Variants in SLC7A5 observed in about 807,000 individuals in gnomAD.
The protein encoded by SLC7A5 is solute carrier family 7 member 5.
A neutral mutation model predicts 50.2 loss-of-function variants in SLC7A5; 23 were observed. The observed-to-expected ratio is 0.46, with a 90% CI of 0.33 to 0.65. SLC7A5 has a LOEUF of 0.65. Among genes scored for constraint, SLC7A5 ranks in the 30% least tolerant of loss-of-function variants. SLC7A5 has a pLI of 0.02. For synonymous variants in SLC7A5, 393 were observed against 330.6 expected (o/e 1.19, Z -2.05); for missense variants, 578 against 684.4 (o/e 0.84, Z 1.73).
chr16:87,844,407 C>G (rs1449098513), intron 2 of SLC7A5, among the ~76,000 whole-genome samples: 3 of 152,160 alleles, frequency 2.0e-5, no homozygotes, highest in Non-Finnish European at 4.4e-5. Context: ...GGCCTTGATC[C>G]CTGAGTCAGG....
In SLC7A5 at chr16:87,830,532, A is replaced by T. The variant is rs572487053; in HGVS notation, c.*2438T>A. The T allele has an allele frequency of 6.6e-6, 1 of 152,510 alleles. No homozygotes were observed. Among genetic ancestry groups the T allele is most frequent in the African/African-American group, 2.4e-5 (1 of 41,554 alleles). 9.4% of individuals were successfully genotyped at this position (152,510 alleles called of 1,614,324 possible). A position where few individuals can be genotyped will look rare whatever the true frequency, so the allele number is the denominator to read the frequency against. ...CCCTGTGGAATTCCAGCACAGCAGGAGGGGGAGGGGGAAGCAGGCCTCAGT... is the reference window on the plus strand; with the variant it reads ...CCCTGTGGAATTCCAGCACAGCAGGTGGGGGAGGGGGAAGCAGGCCTCAGT... On this transcript the variant is annotated 3_prime_UTR_variant, in exon 10 of 10. Transcript: ENST00000261622.
chr16:87,851,253 C>G (rs1177222420), intron 2 of SLC7A5, among the ~76,000 whole-genome samples: 1 of 152,096 alleles, frequency 6.6e-6, no homozygotes. Context: ...CCACACCTGC[C>G]CATGGAATGA....
chr16:87,843,347 C>CTTTTTTTTTTTTTTTTTTTTTTT (rs60307560), intron 2 of SLC7A5, among the ~76,000 whole-genome samples: 1 of 63,258 alleles, frequency 1.6e-5, no homozygotes, highest in African/African-American at 6.5e-5. Flanking sequence ...GCCTGAGTAA[C>CTTTTTTTTTTTTTTTTTTTTTTT]TTTTTTTTTT....
intron 1 of SLC7A5, among the ~76,000 whole-genome samples, chr16:87,858,561 C>T (rs559612881): frequency 2.4e-4 from 37 of 152,228 alleles, no homozygotes; most frequent in South Asian, 8.3e-4. Context: ...ATTTTATAGC[C>T]GGGGTAAACG....
rs2055242160 is a variant in SLC7A5, at chr16:87,852,434, G to A, written c.539-585C>T. 6.6e-6 allele frequency among the ~76,000 whole-genome samples: 1 copy of A among 152,188 alleles called. No homozygotes were observed. The highest frequency in any genetic ancestry group is 3.2e-3 in the Middle Eastern group (1 of 316). Reference sequence around the variant, plus strand: ...GCCACAGGGGCCTGTGGTGAGCAGAGCAGACCCTGCTGCCCTGCTGCTTTG... The same window carrying A: ...GCCACAGGGGCCTGTGGTGAGCAGAACAGACCCTGCTGCCCTGCTGCTTTG... On this transcript the variant is annotated intron_variant, in intron 1 of 9. Transcript: ENST00000261622. This position sits in a 1 kb window ranked among gnomAD's most constrained non-coding sequence, Gnocchi z 4.5.
chr16:87,839,853 C>G (rs765173015), intron 4 of SLC7A5, 28 bp from the exon 5 acceptor site: 1 of 1,612,966 alleles, frequency 6.2e-7, no homozygotes, highest in South Asian at 1.1e-5. Flanking sequence ...GACATGTCAC[C>G]CAACGCAGCC....
rs1567501217 is a variant in SLC7A5, at chr16:87,860,339, A to AAT, written c.539-8492_539-8491dup. On this transcript the variant is annotated intron_variant, in intron 1 of 9. Coordinates refer to ENST00000261622, the MANE Select transcript of SLC7A5 (RefSeq NM_003486.7). This position sits in a 1 kb window ranked among gnomAD's most constrained non-coding sequence, Gnocchi z 4.8. ...CAAAAGCATCTCAAAAAAAAAAAAA[A>AAT]ATACACACACACACACACACACACA... 9.6e-4 allele frequency among the ~76,000 whole-genome samples: 104 copies of AAT among 108,182 alleles called. No individual in the cohort carries two copies. Among genetic ancestry groups the AAT allele is most frequent in the African/African-American group, 3.7e-3 (95 of 25,670 alleles). 71.0% of individuals were successfully genotyped at this position (108,182 alleles called of 152,430 possible). A position where few individuals can be genotyped will look rare whatever the true frequency, so the allele number is the denominator to read the frequency against.
Position 87,833,195 on chromosome 16 carries a change from G to A in SLC7A5, c.1469-170C>T, listed in dbSNP as rs532501994. On this transcript the variant is annotated intron_variant, in intron 9 of 9. Coordinates refer to ENST00000261622, the MANE Select transcript of SLC7A5 (RefSeq NM_003486.7). The surrounding 1 kb of genome is among the most constrained non-coding windows in gnomAD (Gnocchi z 6.0). ...TTGTGTACTTGCGCATGTGGGTGCC[G>A]GGTGCCCGAGGCGCTGTCTTCAACT... 2.0e-4 allele frequency among the ~76,000 whole-genome samples: 30 copies of A among 152,338 alleles called. No homozygotes were observed. The highest frequency in any genetic ancestry group is 6.3e-4 in the African/African-American group (26 of 41,574).
intron 8 of SLC7A5, among the ~76,000 whole-genome samples, chr16:87,835,721 G>A (rs921634991): frequency 1.4e-4 from 21 of 152,240 alleles, no homozygotes; most frequent in East Asian, 3.9e-4. Context: ...TGATCTGCCC[G>A]CCTCGGCCTC....
chr16:87,845,432 G>A (rs1275480905), intron 2 of SLC7A5, among the ~76,000 whole-genome samples: 2 of 150,042 alleles, frequency 1.3e-5, no homozygotes, highest in East Asian at 2.0e-4. Context: ...CAGAGTCCAC[G>A]CCCACCCCAG....
chr16:87,852,177 A>G lies in SLC7A5; in HGVS notation c.539-328T>C, dbSNP rs151165088. On this transcript the variant is annotated intron_variant, in intron 1 of 9. Transcript: ENST00000261622. The surrounding 1 kb of genome is among the most constrained non-coding windows in gnomAD (Gnocchi z 4.5). ...CTTCAAGTGGGGTCACTGCCTCCAG[A>G]GACCCAGGTGAGCAAGGTGACCCTG... is the stretch of plus-strand genomic sequence containing the variant. Among the ~76,000 whole-genome samples, 3 of 152,236 alleles carry G rather than the reference A, an allele frequency of 2.0e-5. No homozygotes were observed. The highest frequency in any genetic ancestry group is 4.4e-5 in the Non-Finnish European group (3 of 67,984).
chr16:87,868,801 T>A (rs977246293), intron 1 of SLC7A5, 84 bp downstream of exon 1: 32 of 1,359,382 alleles, frequency 2.4e-5, no homozygotes, highest in Non-Finnish European at 3.0e-5. Flanking sequence ...TGTAGAGATG[T>A]GGGAGCCAGG....
At chr16:87,846,331 G>A (rs1024883671) in intron 2 of SLC7A5, among the ~76,000 whole-genome samples, 18 of 152,250 alleles carry the variant, frequency 1.2e-4, no homozygotes, top group Non-Finnish European at 2.5e-4. Flanking sequence ...GCTCGAGGCC[G>A]AGCTGTGGCC....
intron 1 of SLC7A5, among the ~76,000 whole-genome samples, chr16:87,863,986 A>AAAAAAAAAAAAAT (rs376938738): frequency 2.4e-5 from 2 of 83,280 alleles, no homozygotes; most frequent in African/African-American, 7.8e-5. Context: ...ATCATTTAAA[A>AAAAAAAAAAAAAT]ATATATATAT....
Position 87,869,174 on chromosome 16 carries a change from C to A in SLC7A5, c.249G>T (p.Gly83=), listed in dbSNP as rs562691205. The A allele has an allele frequency of 1.2e-6, 2 of 1,612,272 alleles. No individual in the cohort carries two copies. Among genetic ancestry groups the A allele is most frequent in the South Asian group, 2.2e-5 (2 of 91,032 alleles). Residue 83 remains glycine (G), a synonymous_variant, in exon 1 of 10, where the codon GGG becomes GGT. Transcript: ENST00000261622. ...ACGCGGCCCACACCACCAGCGCCAG[C>A]CCCGGCGAGCCTGCCTCCTTGAGCA... is the stretch of plus-strand genomic sequence containing the variant. ...TGVLKEAGSP[G]LALVVWAACG... is the part of the protein sequence containing the mutation.
At position 87,869,301 on chromosome 16, in the gene SLC7A5, C is replaced by T. The variant is rs148183733; in HGVS notation, c.122G>A (p.Gly41Asp). The T allele has an allele frequency of 1.9e-3, 2,995 of 1,611,410 alleles. 16 individuals carry two copies. Among genetic ancestry groups the T allele is most frequent in the South Asian group, 2.9e-3 (266 of 91,008 alleles). ...SADGSAPAGE[G>D]EGVTLQRNIT... is the part of the protein sequence containing the mutation. ...GTTCCGCTGCAGGGTCACGCCCTCG[C>T]CCTCGCCTGCCGGCGCCGAGCCGTC... Residue 41 changes from glycine to aspartate, a missense_variant, in exon 1 of 10, where the codon GGC becomes GAC. This residue lies in a region of SLC7A5 where 113 missense variants were observed against 89.8 expected (regional missense o/e 1.26). Transcript: ENST00000261622.
Position 87,835,696 on chromosome 16 carries a change from T to A in SLC7A5, c.1290+802A>T, listed in dbSNP as rs13336522. ...TCACCGTGTTAGCCAGGATGGTCTC[T>A]ATCTCCTGACTTTGTGATCTGCCCG... is the stretch of plus-strand genomic sequence containing the variant. On this transcript the variant is annotated intron_variant, in intron 8 of 9. Transcript: ENST00000261622. Among the ~76,000 whole-genome samples the A allele has an allele frequency of 2.0e-3, 310 of 152,120 alleles. 1 individual carries two copies. In the Middle Eastern group the frequency reaches 0.02, roughly 10 times the overall value.
chr16:87,837,975 C>T lies in SLC7A5; in HGVS notation c.1044-34G>A, dbSNP rs371799359. The T allele has an allele frequency of 2.3e-4, 343 of 1,499,462 alleles. 1 individual carries two copies. In the Middle Eastern group the frequency reaches 2.6e-3, roughly 11 times the overall value. The allele number at this position is 1,499,462 out of a possible 1,614,324, so 92.9% of individuals were successfully genotyped here. On this transcript the variant is annotated intron_variant, in intron 6 of 9. Coordinates refer to ENST00000261622, the MANE Select transcript of SLC7A5 (RefSeq NM_003486.7). ...AGACAAGAGTGGCAGAGTCAGCCAC[C>T]GCCCCACAACTCAGCACGTGGACAG... is the stretch of plus-strand genomic sequence containing the variant.
chr16:87,830,295 T>C lies in SLC7A5; in HGVS notation c.*2675A>G, dbSNP rs905964377. ...CATGACCACTGGAAATAAATAAACA[T>C]GGTGCCGACAGCATCTTTAAATTAG... On this transcript the variant is annotated 3_prime_UTR_variant, in exon 10 of 10. Coordinates refer to ENST00000261622, the MANE Select transcript of SLC7A5 (RefSeq NM_003486.7). The C allele has an allele frequency of 1.3e-5, 2 of 152,186 alleles. No individual in the cohort carries two copies. The highest frequency in any genetic ancestry group is 2.4e-5 in the African/African-American group (1 of 41,424). The allele number at this position is 152,186 out of a possible 1,614,324, so 9.4% of individuals were successfully genotyped here.
Sources: gnomAD v4.1 joint callset for allele counts (sites outside exome capture counted in the v4.1 genomes callset) on GRCh38, gnomAD v4.1.1 for gene constraint, gnomAD v4.1.1 regional missense constraint, Gnocchi (gnomAD v3.1) non-coding constraint, MANE v1.5 for transcripts, NCBI Gene and HGNC (gene_info 2026-07-23, HGNC 2026-07-21) for gene names.